ZNF831: variants seen among roughly 807,000 people sequenced by gnomAD.
ZNF831 encodes zinc finger protein 831, also known as chromosome 20 open reading frame 174.
ZNF831 carries 59 observed loss-of-function variants against 95.8 expected under a neutral mutation model. The ratio of observed to expected loss-of-function variants is 0.62; its 90% CI spans 0.50 to 0.77. The LOEUF is 0.77. Among genes scored for constraint, ZNF831 ranks in the 30% least tolerant of loss-of-function variants. The pLI is 0.00. For missense variants in ZNF831, 2,205 were observed against 2,164.0 expected (o/e 1.02, Z -0.38); for synonymous variants, 961 against 925.5 (o/e 1.04, Z -0.70).
At chr20:59,187,832 A>G (rs1227331504) in intron 1 of ZNF831, among the ~76,000 whole-genome samples, 5 of 152,036 alleles carry the variant, frequency 3.3e-5, no homozygotes, top group Non-Finnish European at 7.4e-5. Context: ...GGCAACCACT[A>G]TAATTTGTTT....
intron 1 of ZNF831, among the ~76,000 whole-genome samples, chr20:59,165,870 C>T (rs1473676076): frequency 6.6e-6 from 1 of 152,126 alleles, no homozygotes; most frequent in African/African-American, 2.4e-5. Flanking sequence ...CTGCCTCAGC[C>T]TCCTGAGTAG....
chr20:59,129,996 G>C (rs777096542), intron 1 of ZNF831, among the ~76,000 whole-genome samples: 1 of 152,182 alleles, frequency 6.6e-6, no homozygotes, highest in Admixed American at 6.5e-5. Context: ...CCTGATGGAC[G>C]TTGGACCAGA....
intron 3 of ZNF831, among the ~76,000 whole-genome samples, chr20:59,204,247 G>A (rs951684845): frequency 6.6e-6 from 1 of 152,216 alleles, no homozygotes; most frequent in Non-Finnish European, 1.5e-5. Flanking sequence ...ATGTTTATCT[G>A]TCTAAGCCAT....
At position 59,239,423 on chromosome 20, in the gene ZNF831, CAAG is replaced by C. The variant is rs141135488; in HGVS notation, c.4028-13550_4028-13548del. 4.5e-3 allele frequency among the ~76,000 whole-genome samples: 682 copies of C among 152,222 alleles called. 8 individuals carry two copies. The highest frequency in any genetic ancestry group is 0.015 in the African/African-American group (631 of 41,532). On this transcript the variant is annotated intron_variant, in intron 4 of 5. Coordinates refer to ENST00000371030, the MANE Select transcript of ZNF831 (RefSeq NM_178457.3). ...TCATAACATATTTTAAAAGATAAGC[CAAG>C]AAGATTTCTCGAATACATTTTTGAT...
intron 4 of ZNF831, among the ~76,000 whole-genome samples, chr20:59,235,943 CA>C (rs1986973728): frequency 6.6e-6 from 1 of 152,138 alleles, no homozygotes; most frequent in Non-Finnish European, 1.5e-5. Context: ...GAAATATTTC[CA>C]AGGTAAATAG....
At position 59,211,545 on chromosome 20, in the gene ZNF831, A is replaced by G. The variant is rs187321526; in HGVS notation, c.4027+4489A>G. 2.0e-5 allele frequency among the ~76,000 whole-genome samples: 3 copies of G among 152,338 alleles called. No homozygotes were observed. In the East Asian group the frequency reaches 5.8e-4, roughly 29 times the overall value. ...TGCTTTAAAATAAATACCACTGGAAATCAAAGGGGCACAGGGGTTTTATTA... is the reference window on the plus strand; with the variant it reads ...TGCTTTAAAATAAATACCACTGGAAGTCAAAGGGGCACAGGGGTTTTATTA... On this transcript the variant is annotated intron_variant, in intron 4 of 5. Coordinates refer to ENST00000371030, the MANE Select transcript of ZNF831 (RefSeq NM_178457.3).
chr20:59,168,735 G>C (rs1601325226), intron 1 of ZNF831, among the ~76,000 whole-genome samples: 1 of 152,062 alleles, frequency 6.6e-6, no homozygotes, highest in South Asian at 2.1e-4. Flanking sequence ...TTTTGTAGAT[G>C]CTTTTAATCA....
At chr20:59,228,333 G>A (rs560013849) in intron 4 of ZNF831, among the ~76,000 whole-genome samples, 107 of 152,236 alleles carry the variant, frequency 7.0e-4, no homozygotes, top group African/African-American at 2.4e-3. Flanking sequence ...ATGCTGGCAG[G>A]TTGATGGGAA....
At chr20:59,181,802 G>T (rs1163574745) in intron 1 of ZNF831, among the ~76,000 whole-genome samples, 2 of 150,720 alleles carry the variant, frequency 1.3e-5, no homozygotes, top group Non-Finnish European at 3.0e-5. Flanking sequence ...ATTCTGTGAA[G>T]AAAGTCACTG....
At chr20:59,228,088 G>T (rs2146690229) in intron 4 of ZNF831, among the ~76,000 whole-genome samples, 1 of 152,176 alleles carries the variant, frequency 6.6e-6, no homozygotes, top group African/African-American at 2.4e-5. Context: ...ATATCAAAGG[G>T]ACCATAGGCA....
chr20:59,134,805 C>T (rs1227989621), intron 1 of ZNF831, among the ~76,000 whole-genome samples: 2 of 152,174 alleles, frequency 1.3e-5, no homozygotes, highest in African/African-American at 4.8e-5. Context: ...TTGCTTCTTA[C>T]TAACCGTACA....
intron 4 of ZNF831, among the ~76,000 whole-genome samples, chr20:59,249,844 C>T: frequency 6.6e-6 from 1 of 152,002 alleles, no homozygotes; most frequent in East Asian, 1.9e-4. Flanking sequence ...TCTCTAACAA[C>T]CAACAAGAGG....
At chr20:59,225,946 G>A (rs1346650817) in intron 4 of ZNF831, among the ~76,000 whole-genome samples, 1 of 152,218 alleles carries the variant, frequency 6.6e-6, no homozygotes. Context: ...ATGTGACCAG[G>A]TCTCTGTTGA....
chr20:59,149,642 C>T lies in ZNF831; in HGVS notation c.-1281+3268C>T, dbSNP rs532864405. Among the ~76,000 whole-genome samples, 8 of 152,348 alleles carry T rather than the reference C, an allele frequency of 5.3e-5. No homozygotes were observed. The East Asian group carries it at 5.8e-4, about 11-fold the overall frequency. ...CGCCAAAAGCCTGGGCTTGGCCTGT[C>T]GGAGAGAGAGGCTGCAGAGCCCCTG... On this transcript the variant is annotated intron_variant, in intron 2 of 7. Transcript: ENST00000637017.
At chr20:59,144,627 C>G (rs1049361693) in intron 1 of ZNF831, among the ~76,000 whole-genome samples, 1 of 152,136 alleles carries the variant, frequency 6.6e-6, no homozygotes, top group Non-Finnish European at 1.5e-5. Context: ...CTACAGTTGG[C>G]GTGCTGTGGA....
At chr20:59,135,350 C>A (rs185658022) in intron 1 of ZNF831, among the ~76,000 whole-genome samples, 1 of 151,818 alleles carries the variant, frequency 6.6e-6, no homozygotes, top group Non-Finnish European at 1.5e-5. Context: ...ACTTTGGAGG[C>A]GAGATTGGGA....
chr20:59,142,413 G>A (rs757715556), intron 1 of ZNF831, among the ~76,000 whole-genome samples: 5 of 152,160 alleles, frequency 3.3e-5, no homozygotes, highest in African/African-American at 4.8e-5. Context: ...TCTTTCCTCC[G>A]TGAAAGGCCT....
chr20:59,253,193 C>T (rs1051463137), intron 5 of ZNF831, 55 bp downstream of exon 5: 2 of 1,582,026 alleles, frequency 1.3e-6, no homozygotes, highest in South Asian at 1.1e-5. Flanking sequence ...GATGTATAGC[C>T]CTGCTTGTTC....
At chr20:59,210,131 G>A (rs1985191751) in intron 4 of ZNF831, among the ~76,000 whole-genome samples, 1 of 152,194 alleles carries the variant, frequency 6.6e-6, no homozygotes, top group South Asian at 2.1e-4. Context: ...GACACACACG[G>A]ACACTCAGTG....
Sources: gnomAD v4.1 joint callset for allele counts (sites outside exome capture counted in the v4.1 genomes callset) on GRCh38, gnomAD v4.1.1 for gene constraint, MANE v1.5 for transcripts, NCBI Gene and HGNC (gene_info 2026-07-23, HGNC 2026-07-21) for gene names.